Variants in TBC1D19 observed in about 807,000 individuals in gnomAD.
TBC1D19 encodes the protein TBC1 domain family, member 19.
Under a neutral mutation model 89.0 loss-of-function variants are expected in TBC1D19, and 60 were observed. That is an observed-to-expected ratio of 0.67 (90% CI 0.55 to 0.84). The LOEUF is 0.84. TBC1D19 is among the 40% of genes least tolerant of loss of function. The probability of loss-of-function intolerance (pLI) is 0.00; values close to 1 mark genes in which losing one functional copy is unlikely to be tolerated. For synonymous variants in TBC1D19, 189 were observed against 199.7 expected (o/e 0.95, Z 0.45); for missense variants, 500 against 610.8 (o/e 0.82, Z 1.91).
At chr4:26,825,602 G>A in the TBC1D19 span, among the ~76,000 whole-genome samples, 1 of 152,134 alleles carries the variant, frequency 6.6e-6, no homozygotes, top group Non-Finnish European at 1.5e-5. Flanking sequence ...CTCTATCAGT[G>A]ACCTGCCACA....
chr4:26,655,741 A>G (rs1383975919), intron 7 of TBC1D19, among the ~76,000 whole-genome samples: 1 of 152,172 alleles, frequency 6.6e-6, no homozygotes, highest in African/African-American at 2.4e-5. Context: ...TTAGGGTGGG[A>G]GTGACCTGAT....
chr4:26,703,744 G>A (rs183528225), intron 13 of TBC1D19, among the ~76,000 whole-genome samples: 54 of 151,704 alleles, frequency 3.6e-4, no homozygotes, highest in African/African-American at 1.2e-3. Context: ...ACGAGGTCAG[G>A]AGATCGAGAC....
chr4:26,598,387 C>T (rs1740365570), intron 1 of TBC1D19, among the ~76,000 whole-genome samples: 1 of 141,602 alleles, frequency 7.1e-6, no homozygotes, highest in African/African-American at 2.5e-5. Flanking sequence ...TGATAAATGA[C>T]TAAATATTCT....
At chr4:26,845,893 T>C in the TBC1D19 span, among the ~76,000 whole-genome samples, 1 of 152,176 alleles carries the variant, frequency 6.6e-6, no homozygotes, top group Non-Finnish European at 1.5e-5. Flanking sequence ...TTCAATTATC[T>C]CCCACCAAGT....
At chr4:26,797,209 G>A in the TBC1D19 span, among the ~76,000 whole-genome samples, 1 of 151,906 alleles carries the variant, frequency 6.6e-6, no homozygotes, top group Non-Finnish European at 1.5e-5. Flanking sequence ...TCAACATATG[G>A]AAATCAGCAG....
At chr4:26,837,201 G>A in the TBC1D19 span, among the ~76,000 whole-genome samples, 2 of 152,164 alleles carry the variant, frequency 1.3e-5, no homozygotes, top group South Asian at 2.1e-4. Context: ...TAATGGAGAA[G>A]CTCCAATACT....
chr4:26,844,612 G>C, the TBC1D19 span, among the ~76,000 whole-genome samples: 1 of 152,196 alleles, frequency 6.6e-6, no homozygotes, highest in Non-Finnish European at 1.5e-5. Context: ...AAGAATAGCT[G>C]AAGAAGTTAT....
At chr4:26,764,818 G>C in the TBC1D19 span, among the ~76,000 whole-genome samples, 1 of 152,176 alleles carries the variant, frequency 6.6e-6, no homozygotes, top group Admixed American at 6.5e-5. Context: ...AAGTGCTTCT[G>C]AGAGAATGGT....
intron 1 of TBC1D19, among the ~76,000 whole-genome samples, chr4:26,591,084 G>A (rs776947216): frequency 1.3e-5 from 2 of 151,252 alleles, no homozygotes; most frequent in Non-Finnish European, 2.9e-5. Context: ...CTGAGACTCC[G>A]GCAACCACTT....
chr4:26,583,203 T>G (rs996401407), upstream of TBC1D19, among the ~76,000 whole-genome samples: 2 of 151,686 alleles, frequency 1.3e-5, no homozygotes, highest in East Asian at 1.9e-4. Context: ...AGGCCTTTTT[T>G]GGGGGGGGAA....
chr4:26,740,101 T>A (rs1448639076), intron 17 of TBC1D19, 128 bp downstream of exon 17: 2 of 472,910 alleles, frequency 4.2e-6, no homozygotes, highest in Non-Finnish European at 7.3e-6. Flanking sequence ...AAGCAATGTG[T>A]TTTTATTGCA....
At chr4:26,718,592 A>G (rs1267759015) in intron 14 of TBC1D19, among the ~76,000 whole-genome samples, 1 of 152,050 alleles carries the variant, frequency 6.6e-6, no homozygotes, top group African/African-American at 2.4e-5. Flanking sequence ...TTCATTGTGT[A>G]TGGTCATTCT....
chr4:26,682,180 A>T (rs1713402889), intron 11 of TBC1D19, among the ~76,000 whole-genome samples: 1 of 152,258 alleles, frequency 6.6e-6, no homozygotes, highest in East Asian at 1.9e-4. Flanking sequence ...GCAGGAATTG[A>T]TATTTGAATT....
intron 16 of TBC1D19, among the ~76,000 whole-genome samples, chr4:26,737,174 A>T (rs1156723029): frequency 5.9e-5 from 9 of 152,152 alleles, no homozygotes; most frequent in South Asian, 2.1e-4. Context: ...GTACCTAGGG[A>T]CTTTATGCTA....
the TBC1D19 span, among the ~76,000 whole-genome samples, chr4:26,820,953 G>A: frequency 6.6e-6 from 1 of 152,116 alleles, no homozygotes; most frequent in Non-Finnish European, 1.5e-5. Flanking sequence ...GAATACAGTG[G>A]GCATATAAAA....
intron 19 of TBC1D19, among the ~76,000 whole-genome samples, chr4:26,753,187 A>G (rs996781653): frequency 1.3e-5 from 2 of 152,208 alleles, no homozygotes; most frequent in African/African-American, 4.8e-5. Flanking sequence ...TTTTTAAGAA[A>G]AGGCTTTAAA....
intron 14 of TBC1D19, 119 bp from the exon 15 acceptor site, chr4:26,719,962 G>A: frequency 1.5e-6 from 1 of 663,840 alleles, no homozygotes; most frequent in Non-Finnish European, 2.3e-6. Flanking sequence ...ATCATGAAAT[G>A]ACATATCAGT....
At chr4:26,856,427 G>A in the TBC1D19 span, among the ~76,000 whole-genome samples, 1 of 152,144 alleles carries the variant, frequency 6.6e-6, no homozygotes, top group African/African-American at 2.4e-5. Context: ...AAATAATGCT[G>A]AAATGAACAT....
the TBC1D19 span, among the ~76,000 whole-genome samples, chr4:26,798,885 G>A: frequency 6.6e-6 from 1 of 151,860 alleles, no homozygotes; most frequent in Admixed American, 6.6e-5. Flanking sequence ...AATGGGAGAG[G>A]GTAGAAGGGG....
Sources: gnomAD v4.1 joint callset for allele counts (sites outside exome capture counted in the v4.1 genomes callset) on GRCh38, gnomAD v4.1.1 for gene constraint, MANE v1.5 for transcripts, NCBI Gene and HGNC (gene_info 2026-07-23, HGNC 2026-07-21) for gene names.